RBKS: variants seen among roughly 807,000 people sequenced by gnomAD.
RBKS encodes ribokinase.
In RBKS, 33 loss-of-function variants were observed where a neutral mutation model predicts 33.9. The ratio of observed to expected loss-of-function variants is 0.97; its 90% CI spans 0.74 to 1.30. The LOEUF (loss-of-function observed/expected upper bound fraction) is 1.30, where lower values mean the gene tolerates loss of function less well. Among genes scored for constraint, RBKS ranks in the 50% most tolerant of loss-of-function variants. RBKS has a pLI of 0.00. For synonymous variants in RBKS, 125 were observed against 143.0 expected (o/e 0.87, Z 0.90); for missense variants, 361 against 392.6 (o/e 0.92, Z 0.68).
At chr2:27,802,656 C>CT (rs1220767647) in intron 7 of RBKS, among the ~76,000 whole-genome samples, 1 of 152,180 alleles carries the variant, frequency 6.6e-6, no homozygotes, top group South Asian at 2.1e-4. Flanking sequence ...CGCAGCAACT[C>CT]TAAGTTCAAT....
Position 27,781,768 on chromosome 2 carries a change from C to CA in RBKS, c.815dup (p.Ala274SerfsTer73), listed in dbSNP as rs772885823. Reference sequence around the variant, plus strand: ...AAGCCAGGTAGAAGGCCAGAGCTCCCACAAAGCTGTCACCAGCACCCTGTA... The same window carrying CA: ...AAGCCAGGTAGAAGGCCAGAGCTCCCAACAAAGCTGTCACCAGCACCCTGTA... On this transcript the variant is annotated frameshift_variant, in exon 8 of 8. Transcript: ENST00000302188. LOFTEE classifies it high-confidence loss of function. 8 of 1,613,486 alleles carry CA rather than the reference C, an allele frequency of 5.0e-6. No individual in the cohort carries two copies. The highest frequency in any genetic ancestry group is 6.8e-6 in the Non-Finnish European group (8 of 1,179,702).
chr2:27,875,262 T>C (rs1664288780), intron 1 of RBKS, among the ~76,000 whole-genome samples: 1 of 152,206 alleles, frequency 6.6e-6, no homozygotes, highest in Non-Finnish European at 1.5e-5. Context: ...AAAATGTTAT[T>C]TCCAGCCAGG....
chr2:27,781,802 C>T lies in RBKS; in HGVS notation c.796-14G>A, dbSNP rs369416596. ...GTCACCAGCACCCTGTAATTGAAAG[C>T]ACAGTTTTGAAGATAAGCATGTAGT... On this transcript the variant is annotated splice_polypyrimidine_tract_variant and intron_variant, in intron 7 of 7. Transcript: ENST00000302188. 3.5e-5 allele frequency: 56 copies of T among 1,601,352 alleles called. No individual in the cohort carries two copies. The Middle Eastern group carries it at 2.0e-3, about 57-fold the overall frequency.
chr2:27,789,951 A>G lies in RBKS; in HGVS notation c.796-8163T>C, dbSNP rs761725612. Among the ~76,000 whole-genome samples, 525 of 111,374 alleles carry G rather than the reference A, an allele frequency of 4.7e-3. 2 individuals carry two copies. Among genetic ancestry groups the G allele is most frequent in the Middle Eastern group, 0.036 (8 of 220 alleles). 73.1% of individuals were successfully genotyped at this position (111,374 alleles called of 152,430 possible). ...TATATATATATATATGTATATGTGT[A>G]TATATATATATATATATATATGTAT... On this transcript the variant is annotated intron_variant, in intron 7 of 7. Coordinates refer to ENST00000302188, the MANE Select transcript of RBKS (RefSeq NM_022128.3).
intron 1 of RBKS, among the ~76,000 whole-genome samples, chr2:27,881,059 CA>C (rs1664407318): frequency 6.8e-6 from 1 of 147,378 alleles, no homozygotes; most frequent in African/African-American, 2.7e-5. Context: ...GCAAACCAAC[CA>C]ACCAACAAAC....
At chr2:27,796,948 C>G (rs1207301389) in intron 7 of RBKS, among the ~76,000 whole-genome samples, 4 of 152,186 alleles carry the variant, frequency 2.6e-5, no homozygotes, top group Non-Finnish European at 5.9e-5. Context: ...TGCCTGGGCC[C>G]TTGACTATGG....
chr2:27,821,546 G>A (rs1678207398), intron 7 of RBKS, among the ~76,000 whole-genome samples: 1 of 152,168 alleles, frequency 6.6e-6, no homozygotes, highest in South Asian at 2.1e-4. Flanking sequence ...GATGGGTCAT[G>A]GATACTTGAC....
At chr2:27,786,225 A>G (rs1444874809) in intron 7 of RBKS, among the ~76,000 whole-genome samples, 2 of 152,238 alleles carry the variant, frequency 1.3e-5, no homozygotes, top group East Asian at 3.8e-4. Context: ...TGCAAGGTAC[A>G]GGGACAGTGG....
intron 7 of RBKS, among the ~76,000 whole-genome samples, chr2:27,807,242 G>T (rs936747836): frequency 3.3e-5 from 5 of 152,206 alleles, no homozygotes; most frequent in Admixed American, 2.0e-4. Flanking sequence ...TTTACATTGT[G>T]AGATGTTCAC....
At chr2:27,860,538 A>AT (rs1323821075) in intron 1 of RBKS, among the ~76,000 whole-genome samples, 1 of 152,162 alleles carries the variant, frequency 6.6e-6, no homozygotes, top group East Asian at 1.9e-4. Context: ...ATCAAGTGTA[A>AT]TTTTTATTAC....
intron 5 of RBKS, among the ~76,000 whole-genome samples, chr2:27,840,364 G>GCGCGCA (rs1320789845): frequency 2.3e-5 from 3 of 130,076 alleles, no homozygotes; most frequent in Non-Finnish European, 4.9e-5. Flanking sequence ...ACGCGCGCGC[G>GCGCGCA]CACACACACA....
intron 1 of RBKS, among the ~76,000 whole-genome samples, chr2:27,859,113 G>A (rs988076170): frequency 9.2e-5 from 14 of 152,164 alleles, no homozygotes; most frequent in Non-Finnish European, 1.8e-4. Flanking sequence ...GTAAGAGTGG[G>A]GTGTTCAGAG....
chr2:27,862,131 A>G (rs1457421163), intron 1 of RBKS, among the ~76,000 whole-genome samples: 1 of 151,288 alleles, frequency 6.6e-6, no homozygotes. Context: ...GTATTTTTTT[A>G]TAGAGACGGG....
intron 7 of RBKS, among the ~76,000 whole-genome samples, chr2:27,825,239 AC>A (rs1678288438): frequency 6.6e-6 from 1 of 152,186 alleles, no homozygotes; most frequent in Admixed American, 6.5e-5. Context: ...ATGCACACTC[AC>A]TTTATCCTCC....
chr2:27,888,283 A>G (rs1342760451), intron 1 of RBKS, among the ~76,000 whole-genome samples: 1 of 152,128 alleles, frequency 6.6e-6, no homozygotes, highest in East Asian at 1.9e-4. Context: ...GCCAGCTACC[A>G]TGCCCAGCTA....
chr2:27,789,949 G>GTATATATATATATATATATATATGTGTA (rs1677485251), intron 7 of RBKS, among the ~76,000 whole-genome samples: 1 of 121,510 alleles, frequency 8.2e-6, no homozygotes, highest in African/African-American at 3.3e-5. Context: ...ATGTATATGT[G>GTATATATATATATATATATATATGTGTA]TATATATATA....
chr2:27,781,804 C>T lies in RBKS; in HGVS notation c.796-16G>A. 6.2e-7 allele frequency: 1 copy of T among 1,600,854 alleles called. No individual in the cohort carries two copies. The highest frequency in any genetic ancestry group is 8.5e-7 in the Non-Finnish European group (1 of 1,173,410). The stretch of plus-strand genomic sequence containing the variant: ...CACCAGCACCCTGTAATTGAAAGCA[C>T]AGTTTTGAAGATAAGCATGTAGTCA... On this transcript the variant is annotated splice_polypyrimidine_tract_variant and intron_variant, in intron 7 of 7. Coordinates refer to ENST00000302188, the MANE Select transcript of RBKS (RefSeq NM_022128.3).
In RBKS at chr2:27,890,227, C is replaced by A. The variant is rs369002158; in HGVS notation, c.89+30G>T. On this transcript the variant is annotated intron_variant, in intron 1 of 7. Transcript: ENST00000302188. The surrounding 1 kb of genome is among the most constrained non-coding windows in gnomAD (Gnocchi z 4.8). ...GCACGGCACGCCTCCTCCCCCGAGC[C>A]GCAGACTGAGTAACTGGCCCCGGAC... 15 of 1,607,190 alleles carry A rather than the reference C, an allele frequency of 9.3e-6. No individual in the cohort carries two copies. The highest frequency in any genetic ancestry group is 1.3e-5 in the African/African-American group (1 of 74,826).
chr2:27,807,247 G>A (rs563173552), intron 7 of RBKS, among the ~76,000 whole-genome samples: 29 of 152,340 alleles, frequency 1.9e-4, no homozygotes, highest in African/African-American at 4.1e-4. Flanking sequence ...ATTGTGAGAT[G>A]TTCACTATCA....
Sources: allele counts gnomAD v4.1 joint callset (sites outside exome capture counted in the v4.1 genomes callset), GRCh38; gene constraint gnomAD v4.1.1; non-coding constraint Gnocchi (gnomAD v3.1); transcripts MANE v1.5; gene names NCBI Gene and HGNC (gene_info 2026-07-23, HGNC 2026-07-21).